Variants in TECPR2 observed in about 807,000 individuals in gnomAD.
TECPR2 encodes tectonin beta-propeller repeat-containing protein 2.
TECPR2 carries 65 observed loss-of-function variants against 138.1 expected under a neutral mutation model. That is an observed-to-expected ratio of 0.47 (90% CI 0.39 to 0.58). The LOEUF (loss-of-function observed/expected upper bound fraction) is 0.58. Among genes scored for constraint, TECPR2 ranks in the 20% least tolerant of loss-of-function variants. The pLI is 0.00. For synonymous variants in TECPR2, 746 were observed against 749.8 expected (o/e 0.99, Z 0.08); for missense variants, 1,553 against 1,824.5 (o/e 0.85, Z 2.71).
chr14:102,496,300 G>A (rs369906966), intron 17 of TECPR2, among the ~76,000 whole-genome samples: 40 of 152,214 alleles, frequency 2.6e-4, no homozygotes, highest in African/African-American at 8.9e-4. Context: ...TGCTGTGCTC[G>A]CGGGCATGGA....
rs546904395 is a variant in TECPR2, at chr14:102,441,274, C to T, written c.2752+665C>T. On this transcript the variant is annotated intron_variant, in intron 11 of 19. Transcript: ENST00000359520. ...TAGTAGAGATGGAGTTTCACTATGTCGGCCAGGCTGGTCTTGAACTTCTGA... is the reference window on the plus strand; with the variant it reads ...TAGTAGAGATGGAGTTTCACTATGTTGGCCAGGCTGGTCTTGAACTTCTGA... Among the ~76,000 whole-genome samples, 11 of 151,806 alleles carry T rather than the reference C, an allele frequency of 7.2e-5. No homozygotes were observed. The South Asian group carries it at 1.9e-3, about 26-fold the overall frequency.
intron 17 of TECPR2, among the ~76,000 whole-genome samples, chr14:102,480,026 T>TA (rs1890852961): frequency 2.0e-5 from 3 of 152,320 alleles, no homozygotes; most frequent in Admixed American, 6.5e-5. Flanking sequence ...TTTTTGCCTG[T>TA]AGATTCAATT....
At position 102,428,573 on chromosome 14, in the gene TECPR2, C is replaced by T. The variant is rs189244409; in HGVS notation, c.1084+191C>T. On this transcript the variant is annotated intron_variant, in intron 7 of 19. Coordinates refer to ENST00000359520, the MANE Select transcript of TECPR2 (RefSeq NM_014844.5). Reference sequence around the variant, plus strand: ...CTCAGGACTTTAAGACCAGCCTGGGCAACATGGTAAAACCCTGTCTCTACC... The same window carrying T: ...CTCAGGACTTTAAGACCAGCCTGGGTAACATGGTAAAACCCTGTCTCTACC... Among the ~76,000 whole-genome samples, 10 of 152,048 alleles carry T rather than the reference C, an allele frequency of 6.6e-5. No homozygotes were observed. The East Asian group carries it at 1.4e-3, about 21-fold the overall frequency.
At chr14:102,409,941 A>T (rs1888778158) in intron 4 of TECPR2, among the ~76,000 whole-genome samples, 1 of 152,056 alleles carries the variant, frequency 6.6e-6, no homozygotes, top group African/African-American at 2.4e-5. Flanking sequence ...AGTAGCTGGG[A>T]CTACAGGCAC....
At chr14:102,427,200 G>A (rs1401937220) in intron 6 of TECPR2, among the ~76,000 whole-genome samples, 1 of 152,200 alleles carries the variant, frequency 6.6e-6, no homozygotes, top group Non-Finnish European at 1.5e-5. Flanking sequence ...CCTTTCCTCA[G>A]TTACAGAGAA....
At chr14:102,394,339 C>T (rs1187988111) in intron 2 of TECPR2, among the ~76,000 whole-genome samples, 1 of 152,200 alleles carries the variant, frequency 6.6e-6, no homozygotes, top group Non-Finnish European at 1.5e-5. Context: ...GGCACGGTGG[C>T]TCACACCTGT....
chr14:102,382,546 C>T (rs1887865970), intron 2 of TECPR2, among the ~76,000 whole-genome samples: 1 of 152,126 alleles, frequency 6.6e-6, no homozygotes, highest in Admixed American at 6.5e-5. Flanking sequence ...AACTGAACAA[C>T]ACCATCAGCC....
chr14:102,370,857 A>G (rs972890245), intron 1 of TECPR2, among the ~76,000 whole-genome samples: 4 of 152,140 alleles, frequency 2.6e-5, no homozygotes, highest in Non-Finnish European at 5.9e-5. Flanking sequence ...GATGTACTGA[A>G]TGGAGAATCG....
chr14:102,421,231 T>C (rs923632573), intron 5 of TECPR2, among the ~76,000 whole-genome samples: 6 of 152,192 alleles, frequency 3.9e-5, no homozygotes, highest in African/African-American at 1.4e-4. Flanking sequence ...GAAGAGATTA[T>C]GGGCTCCCTT....
At chr14:102,452,681 A>G (rs1890178403) in intron 16 of TECPR2, 54 bp downstream of exon 16, 1 of 1,437,408 alleles carries the variant, frequency 7.0e-7, no homozygotes, top group Non-Finnish European at 9.5e-7. Flanking sequence ...CTAAACCGGC[A>G]TCACAACGTG....
chr14:102,412,402 G>A (rs1888904625), intron 4 of TECPR2, among the ~76,000 whole-genome samples: 1 of 151,884 alleles, frequency 6.6e-6, no homozygotes, highest in Non-Finnish European at 1.5e-5. Flanking sequence ...CAAAGTTCTT[G>A]GATTACAGGT....
Position 102,498,994 on chromosome 14 carries a change from T to TGCACC in TECPR2, c.*754_*758dup, listed in dbSNP as rs563322831. 4.0e-3 allele frequency: 2,757 copies of TGCACC among 692,930 alleles called. 25 individuals are homozygous for TGCACC. Among genetic ancestry groups the TGCACC allele is most frequent in the East Asian group, 0.023 (857 of 36,746 alleles). The allele number at this position is 692,930 out of a possible 1,614,324, so 42.9% of individuals were successfully genotyped here. A position where few individuals can be genotyped will look rare whatever the true frequency, so the allele number is the denominator to read the frequency against. On this transcript the variant is annotated 3_prime_UTR_variant, in exon 20 of 20. Transcript: ENST00000359520. ...CAACACACCACACCCCACACCGCAC[T>TGCACC]GCACCGCACCGCACCGCACCGTACC...
At chr14:102,496,702 C>T (rs1247360858) in intron 17 of TECPR2, among the ~76,000 whole-genome samples, 1 of 152,202 alleles carries the variant, frequency 6.6e-6, no homozygotes, top group Non-Finnish European at 1.5e-5. Context: ...ACTCTCTGTT[C>T]ACCTGGGCCA....
intron 2 of TECPR2, among the ~76,000 whole-genome samples, chr14:102,398,404 A>G (rs988086771): frequency 2.0e-5 from 3 of 152,204 alleles, no homozygotes; most frequent in Admixed American, 6.5e-5. Context: ...AAAGAAATGA[A>G]AGGGGGAGAG....
chr14:102,461,670 C>G (rs968526287), intron 16 of TECPR2, among the ~76,000 whole-genome samples: 6 of 152,230 alleles, frequency 3.9e-5, no homozygotes, highest in Non-Finnish European at 8.8e-5. Flanking sequence ...GAAGCTGGCC[C>G]TGCATCTGTC....
intron 1 of TECPR2, among the ~76,000 whole-genome samples, chr14:102,366,141 C>T (rs1887341167): frequency 6.6e-6 from 1 of 152,074 alleles, no homozygotes; most frequent in East Asian, 1.9e-4. Context: ...TTAGTCCTAG[C>T]TCCAGTTTGA....
At chr14:102,486,310 A>AT (rs935771469) in intron 17 of TECPR2, among the ~76,000 whole-genome samples, 1 of 151,996 alleles carries the variant, frequency 6.6e-6, no homozygotes, top group African/African-American at 2.4e-5. Context: ...TTAAAAAAAA[A>AT]TTTTTTTGAG....
chr14:102,422,149 ACT>A (rs1324162049), intron 5 of TECPR2, among the ~76,000 whole-genome samples: 1 of 152,172 alleles, frequency 6.6e-6, no homozygotes, highest in East Asian at 1.9e-4. Context: ...TCCGTGACAG[ACT>A]CTGACACCTG....
Position 102,395,825 on chromosome 14 carries a change from A to C in TECPR2, c.220-11513A>C, listed in dbSNP as rs1202563528. Among the ~76,000 whole-genome samples the C allele has an allele frequency of 2.0e-5, 3 of 152,182 alleles. 1 individual carries two copies. Among genetic ancestry groups the C allele is most frequent in the Non-Finnish European group, 2.9e-5 (2 of 68,040 alleles). ...AAAAACTAAACTAAACTAAACTAAA[A>C]TAAACCAACATATTAAACTTTAATA... On this transcript the variant is annotated intron_variant, in intron 2 of 19. Transcript: ENST00000359520.
Sources: gnomAD v4.1 joint callset for allele counts (sites outside exome capture counted in the v4.1 genomes callset) on GRCh38, gnomAD v4.1.1 for gene constraint, MANE v1.5 for transcripts, NCBI Gene and HGNC (gene_info 2026-07-23, HGNC 2026-07-21) for gene names.